The following SEC24D variants were observed in gnomAD, a reference collection of about 807,000 sequenced individuals.
The protein encoded by SEC24D is protein transport protein Sec24D.
Under a neutral mutation model 116.9 loss-of-function variants are expected in SEC24D, and 69 were observed. The ratio of observed to expected loss-of-function variants is 0.59; its 90% confidence interval spans 0.49 to 0.72. The LOEUF (loss-of-function observed/expected upper bound fraction) is 0.72, where lower values mean the gene tolerates loss of function less well. Ranked by LOEUF, SEC24D falls within the 30% of genes least tolerant of loss-of-function variation. The pLI is 0.00. For synonymous variants in SEC24D, 405 were observed against 442.8 expected (o/e 0.91, Z 1.07); for missense variants, 1,131 against 1,264.1 (o/e 0.89, Z 1.60).
At chr4:118,737,620 AACTT>A (rs1578382700) in intron 19 of SEC24D, among the ~76,000 whole-genome samples, 2 of 152,208 alleles carry the variant, frequency 1.3e-5, no homozygotes, top group East Asian at 3.9e-4. Context: ...AATGCCATCT[AACTT>A]TTATTGACAT....
intron 10 of SEC24D, 117 bp from the exon 11 acceptor site, chr4:118,757,962 C>T (rs1255292796): frequency 1.3e-6 from 1 of 768,842 alleles, no homozygotes; most frequent in Non-Finnish European, 2.0e-6. Context: ...TTAGGATATA[C>T]CATCTGTGGA....
chr4:118,768,394 C>CTTTT (rs34595739), intron 8 of SEC24D, 83 bp from the exon 9 acceptor site: 4,326 of 577,616 alleles, frequency 7.5e-3, no homozygotes, highest in Non-Finnish European at 8.7e-3. Flanking sequence ...TTTAATGGCA[C>CTTTT]TTTTTTTTTT....
intron 19 of SEC24D, 29 bp from the exon 20 acceptor site, chr4:118,732,941 G>T (rs748409368): frequency 6.3e-7 from 1 of 1,577,096 alleles, no homozygotes; most frequent in Non-Finnish European, 8.7e-7. Flanking sequence ...TGTTTCATAC[G>T]CTTGATCTTT....
chr4:118,817,339 A>T lies in SEC24D; in HGVS notation c.322T>A (p.Tyr108Asn), dbSNP rs1730194212. The change falls in exon 4 of 23, where the codon TAT (tyrosine) becomes AAT (asparagine). Residue 108 changes from tyrosine (Y) to asparagine (N), a missense_variant. Tyr to Asn is a moderately radical substitution (Grantham distance 143). Transcript: ENST00000280551. Reference protein sequence around the residue: ...APYQPSAQSSYPGPISTSSVT... With the variant: ...APYQPSAQSSNPGPISTSSVT... ...GATGAAGTGGATATAGGACCTGGAT[A>T]AGAAGATTGTGCAGAGGGTTGGTAT... 1 of 1,613,968 alleles carries T rather than the reference A, an allele frequency of 6.2e-7. No individual in the cohort carries two copies.
At chr4:118,792,920 A>G (rs575160918) in intron 8 of SEC24D, among the ~76,000 whole-genome samples, 5 of 152,206 alleles carry the variant, frequency 3.3e-5, no homozygotes, top group Non-Finnish European at 5.9e-5. Flanking sequence ...ACAAAAAAAC[A>G]TAATTTTGCT....
chr4:118,779,165 A>ATC (rs1728281503), intron 8 of SEC24D, among the ~76,000 whole-genome samples: 1 of 152,184 alleles, frequency 6.6e-6, no homozygotes, highest in Non-Finnish European at 1.5e-5. Flanking sequence ...GAGAGAGGGC[A>ATC]TCTCTGTCTT....
chr4:118,824,492 T>C (rs1225192337), intron 3 of SEC24D, 128 bp downstream of exon 3: 1 of 962,984 alleles, frequency 1.0e-6, no homozygotes, highest in East Asian at 2.7e-5. Flanking sequence ...ATCTAACAGA[T>C]CCTTTCAGGG....
At chr4:118,830,774 C>G (rs1458994477) in intron 2 of SEC24D, among the ~76,000 whole-genome samples, 1 of 151,792 alleles carries the variant, frequency 6.6e-6, no homozygotes, top group Non-Finnish European at 1.5e-5. Flanking sequence ...CAAAAGAATT[C>G]AAATTAGATT....
chr4:118,779,531 C>T (rs1198306125), intron 8 of SEC24D, among the ~76,000 whole-genome samples: 3 of 152,098 alleles, frequency 2.0e-5, no homozygotes, highest in Admixed American at 6.5e-5. Context: ...ATTTTTGCAT[C>T]GATGTTCATC....
At chr4:118,822,927 T>A (rs778927721) in intron 3 of SEC24D, among the ~76,000 whole-genome samples, 13 of 152,070 alleles carry the variant, frequency 8.5e-5, no homozygotes, top group Non-Finnish European at 1.8e-4. Context: ...GAATTCTATA[T>A]TCTCATTTTA....
intron 7 of SEC24D, among the ~76,000 whole-genome samples, chr4:118,802,518 G>A (rs912442181): frequency 6.6e-6 from 1 of 152,150 alleles, no homozygotes; most frequent in Non-Finnish European, 1.5e-5. Context: ...TGGCAAATAA[G>A]CCAGGTCAGA....
At chr4:118,818,573 G>A (rs892139292) in intron 3 of SEC24D, among the ~76,000 whole-genome samples, 2 of 152,138 alleles carry the variant, frequency 1.3e-5, no homozygotes, top group Non-Finnish European at 2.9e-5. Context: ...ATGACATTAA[G>A]CATATTTGCA....
At chr4:118,736,537 C>A in intron 19 of SEC24D, 1 of 316,082 alleles carries the variant, frequency 3.2e-6, no homozygotes, top group Admixed American at 4.6e-5. Flanking sequence ...AGGAATCTCT[C>A]CATCTTCATA....
chr4:118,728,798 A>C, intron 21 of SEC24D, 148 bp from the exon 22 acceptor site: 1 of 527,588 alleles, frequency 1.9e-6, no homozygotes, highest in Non-Finnish European at 3.3e-6. Flanking sequence ...CTGTGGGGAA[A>C]ATGCACTAAA....
chr4:118,830,612 T>A (rs1287009891), intron 2 of SEC24D, among the ~76,000 whole-genome samples: 1 of 151,842 alleles, frequency 6.6e-6, no homozygotes, highest in African/African-American at 2.4e-5. Context: ...ATTATATATA[T>A]ATGTATATAT....
chr4:118,778,781 G>A (rs1728263467), intron 8 of SEC24D, among the ~76,000 whole-genome samples: 1 of 152,136 alleles, frequency 6.6e-6, no homozygotes. Context: ...ATTTTGTTGA[G>A]CAGTGGTTTG....
intron 7 of SEC24D, among the ~76,000 whole-genome samples, chr4:118,799,351 G>T (rs868124765): frequency 6.6e-6 from 1 of 152,118 alleles, no homozygotes; most frequent in Non-Finnish European, 1.5e-5. Context: ...TTTAACGGGT[G>T]TGCGGGTAGA....
At chr4:118,755,529 C>CAAAA (rs1727051487) in intron 11 of SEC24D, among the ~76,000 whole-genome samples, 1 of 149,404 alleles carries the variant, frequency 6.7e-6, no homozygotes, top group South Asian at 2.1e-4. Flanking sequence ...ACATTCAAAT[C>CAAAA]TTTTCTTTCC....
chr4:118,739,377 G>A (rs527731380), intron 17 of SEC24D, 90 bp from the exon 18 acceptor site: 1 of 1,198,878 alleles, frequency 8.3e-7, no homozygotes, highest in Non-Finnish European at 1.2e-6. Context: ...AAAACACTGT[G>A]TACAGATAGA....
Sources: gnomAD v4.1 joint callset for allele counts (sites outside exome capture counted in the v4.1 genomes callset) on GRCh38, gnomAD v4.1.1 for gene constraint, MANE v1.5 for transcripts, NCBI Gene and HGNC (gene_info 2026-07-23, HGNC 2026-07-21) for gene names.